ELMO1: variants seen among roughly 807,000 people sequenced by gnomAD.
The protein encoded by ELMO1 is engulfment and cell motility protein 1.
A neutral mutation model predicts 98.9 loss-of-function variants in ELMO1; 26 were observed. That is an observed-to-expected ratio of 0.26 (90% CI 0.19 to 0.36). The LOEUF is 0.36. Ranked by LOEUF, ELMO1 falls within the 10% of genes least tolerant of loss-of-function variation. ELMO1 has a pLI of 1.00. For synonymous variants in ELMO1, 346 were observed against 346.0 expected, an observed-to-expected ratio of 1.00 and a Z score of 0.00; for missense variants, 627 against 935.2, an observed-to-expected ratio of 0.67 and a Z score of 4.30.
intron 16 of ELMO1, among the ~76,000 whole-genome samples, chr7:36,955,569 G>A (rs980657910): frequency 6.6e-6 from 1 of 152,148 alleles, no homozygotes; most frequent in African/African-American, 2.4e-5. Flanking sequence ...ATAAATATGA[G>A]TGTTCTCTGT....
chr7:37,046,439 C>T (rs373076026), intron 15 of ELMO1, among the ~76,000 whole-genome samples: 2 of 152,154 alleles, frequency 1.3e-5, no homozygotes, highest in East Asian at 3.9e-4. Flanking sequence ...TGTAAAAGAA[C>T]GACAGTGTGG....
chr7:37,078,131 A>C (rs1051426860), intron 15 of ELMO1, among the ~76,000 whole-genome samples: 1 of 152,208 alleles, frequency 6.6e-6, no homozygotes, highest in Non-Finnish European at 1.5e-5. Flanking sequence ...TTAAATCAGA[A>C]GGAAAACGTA....
chr7:37,132,037 G>A (rs1215301397), intron 14 of ELMO1, among the ~76,000 whole-genome samples: 3 of 152,036 alleles, frequency 2.0e-5, no homozygotes, highest in Non-Finnish European at 4.4e-5. Flanking sequence ...GAAGAAACAC[G>A]CCCACACATT....
chr7:36,961,076 T>A (rs957480464), intron 16 of ELMO1, among the ~76,000 whole-genome samples: 1 of 152,208 alleles, frequency 6.6e-6, no homozygotes, highest in African/African-American at 2.4e-5. Flanking sequence ...CCAAGCACCC[T>A]GCAGTTCCTC....
chr7:37,046,584 G>C (rs1003234333), intron 15 of ELMO1, among the ~76,000 whole-genome samples: 1 of 152,070 alleles, frequency 6.6e-6, no homozygotes, highest in East Asian at 1.9e-4. Context: ...TCAAACACGG[G>C]AATGAGAATG....
intron 13 of ELMO1, among the ~76,000 whole-genome samples, chr7:37,202,579 C>A (rs1020487567): frequency 1.3e-5 from 2 of 152,162 alleles, no homozygotes; most frequent in African/African-American, 2.4e-5. Context: ...GGTATAGCAG[C>A]CATTTCAAGG....
chr7:37,054,707 T>C (rs1035435796), intron 15 of ELMO1, among the ~76,000 whole-genome samples: 1 of 151,642 alleles, frequency 6.6e-6, no homozygotes, highest in African/African-American at 2.4e-5. Context: ...TGTAGTATTT[T>C]AGAGAATCTT....
At chr7:37,433,768 C>T (rs1805029482) in intron 1 of ELMO1, among the ~76,000 whole-genome samples, 1 of 152,086 alleles carries the variant, frequency 6.6e-6, no homozygotes, top group Non-Finnish European at 1.5e-5. Context: ...CTTTATGTCC[C>T]TGAAAACAAT....
intron 15 of ELMO1, among the ~76,000 whole-genome samples, chr7:37,069,422 A>G (rs1797154456): frequency 6.6e-6 from 1 of 152,148 alleles, no homozygotes; most frequent in Non-Finnish European, 1.5e-5. Flanking sequence ...TCACTTCCCA[A>G]CCACTTCATG....
chr7:37,318,290 C>G (rs1339681169), intron 2 of ELMO1, among the ~76,000 whole-genome samples: 1 of 152,168 alleles, frequency 6.6e-6, no homozygotes, highest in African/African-American at 2.4e-5. Flanking sequence ...TGTAGGCCAT[C>G]GATCTGTGAT....
intron 16 of ELMO1, among the ~76,000 whole-genome samples, chr7:36,992,215 C>A (rs1248054605): frequency 2.6e-5 from 4 of 152,196 alleles, no homozygotes; most frequent in Non-Finnish European, 5.9e-5. Flanking sequence ...TTTCTTCCTG[C>A]CTCTTCCAGA....
chr7:36,911,614 C>T (rs993431167), intron 16 of ELMO1, among the ~76,000 whole-genome samples: 3 of 152,144 alleles, frequency 2.0e-5, no homozygotes, highest in Non-Finnish European at 4.4e-5. Flanking sequence ...AGAAATGATG[C>T]TGTTATGGGA....
chr7:37,091,131 G>A (rs1350485027), intron 15 of ELMO1, among the ~76,000 whole-genome samples: 1 of 152,144 alleles, frequency 6.6e-6, no homozygotes, highest in Non-Finnish European at 1.5e-5. Context: ...TTTTGAGGCA[G>A]AGTTTCATTC....
At chr7:37,045,659 A>G (rs1410766835) in intron 15 of ELMO1, among the ~76,000 whole-genome samples, 4 of 152,206 alleles carry the variant, frequency 2.6e-5, no homozygotes, top group Admixed American at 2.0e-4. Flanking sequence ...AAAAAAATAT[A>G]TATTTATGCA....
At chr7:37,080,825 T>C (rs1028197408) in intron 15 of ELMO1, among the ~76,000 whole-genome samples, 2 of 151,980 alleles carry the variant, frequency 1.3e-5, no homozygotes, top group African/African-American at 4.8e-5. Flanking sequence ...GTGTTCTTAC[T>C]TTCTCATGGC....
At chr7:37,212,101 T>C (rs1179370619) in intron 12 of ELMO1, among the ~76,000 whole-genome samples, 1 of 152,198 alleles carries the variant, frequency 6.6e-6, no homozygotes, top group African/African-American at 2.4e-5. Flanking sequence ...TTTGAAGATA[T>C]TATGCTGAGT....
At chr7:37,047,645 G>A (rs992791891) in intron 15 of ELMO1, among the ~76,000 whole-genome samples, 6 of 152,186 alleles carry the variant, frequency 3.9e-5, no homozygotes, top group East Asian at 1.9e-4. Flanking sequence ...GCCATAAAGC[G>A]TAACCATGGC....
intron 13 of ELMO1, among the ~76,000 whole-genome samples, chr7:37,167,746 A>T (rs1447860536): frequency 1.0e-3 from 155 of 152,246 alleles, no homozygotes; most frequent in East Asian, 1.3e-3. Context: ...GGGTAACCCG[A>T]CGTTTCTCTC....
chr7:37,360,694 A>G (rs2131325600), intron 1 of ELMO1, among the ~76,000 whole-genome samples: 1 of 152,320 alleles, frequency 6.6e-6, no homozygotes, highest in African/African-American at 2.4e-5. Context: ...ACTGAGTAGT[A>G]AGGCCTGTGT....
Sources: allele counts gnomAD v4.1 joint callset (sites outside exome capture counted in the v4.1 genomes callset), GRCh38; gene constraint gnomAD v4.1.1; transcripts MANE v1.5; gene names NCBI Gene and HGNC (gene_info 2026-07-23, HGNC 2026-07-21).